The following TSHZ2 variants were observed in gnomAD, a reference collection of about 807,000 sequenced individuals.
TSHZ2 encodes the protein teashirt homolog 2.
A neutral mutation model predicts 74.4 loss-of-function variants in TSHZ2; 21 were observed. The observed-to-expected ratio is 0.28, with a 90% CI of 0.20 to 0.41. The LOEUF (loss-of-function observed/expected upper bound fraction) is 0.41, where lower values mean the gene tolerates loss of function less well. Among genes scored for constraint, TSHZ2 ranks in the 10% least tolerant of loss-of-function variants. The pLI, the probability that TSHZ2 is intolerant of heterozygous loss-of-function variation, is 1.00. For synonymous variants in TSHZ2, 540 were observed against 515.3 expected (o/e 1.05, Z -0.65); for missense variants, 1,244 against 1,293.5 (o/e 0.96, Z 0.59).
intron 1 of TSHZ2, among the ~76,000 whole-genome samples, chr20:52,991,415 G>T (rs912671133): frequency 1.4e-5 from 2 of 147,748 alleles, no homozygotes; most frequent in Non-Finnish European, 3.0e-5. Context: ...TGGGGGGAGA[G>T]AGTGTGAAAG....
At chr20:53,326,361 G>A (rs994732930) in intron 2 of TSHZ2, among the ~76,000 whole-genome samples, 2 of 152,206 alleles carry the variant, frequency 1.3e-5, no homozygotes, top group South Asian at 4.1e-4. Context: ...TATCCTGGTT[G>A]AGTTGCACTA....
chr20:53,204,107 TAC>T (rs11467468), intron 1 of TSHZ2, among the ~76,000 whole-genome samples: 595 of 1,948 alleles, frequency 0.31, 20 homozygotes, highest in East Asian at 0.5. Context: ...TGATATGATA[TAC>T]TATATCATCA....
In TSHZ2 at chr20:53,255,113, A is replaced by G; in HGVS notation, c.1655A>G (p.Glu552Gly). The G allele has an allele frequency of 1.2e-6, 2 of 1,614,142 alleles. No homozygotes were observed. The highest frequency in any genetic ancestry group is 2.2e-5 in the South Asian group (2 of 91,068). Residue 552 changes from glutamate (E) to glycine (G), a missense_variant, in exon 2 of 3, where the codon GAG becomes GGG. Around this residue, in one of 6 missense-constraint regions of TSHZ2, gnomAD observed 562 missense variants for 544.0 expected, o/e 1.03. Coordinates refer to ENST00000371497, the MANE Select transcript of TSHZ2 (RefSeq NM_173485.6). The surrounding 1 kb of genome is among the most constrained non-coding windows in gnomAD (Gnocchi z 4.1). ...ATCCACGCAGCCTACCAGCTGTCTG[A>G]GGGCACCAAGCCGCCTTTGCCTATG... is the stretch of plus-strand genomic sequence containing the variant. The part of the protein sequence containing the change: ...PSIHAAYQLS[E>G]GTKPPLPMGS...
At chr20:53,230,070 G>C (rs1413632257) in intron 1 of TSHZ2, among the ~76,000 whole-genome samples, 2 of 150,242 alleles carry the variant, frequency 1.3e-5, no homozygotes, top group Admixed American at 1.3e-4. Flanking sequence ...GGGAGGGGGA[G>C]GAGGAGAGAT....
intron 1 of TSHZ2, among the ~76,000 whole-genome samples, chr20:53,181,818 G>A (rs1988476286): frequency 6.6e-6 from 1 of 152,200 alleles, no homozygotes; most frequent in African/African-American, 2.4e-5. Context: ...AACCCGGGAA[G>A]CGGAGCTTGC....
intron 1 of TSHZ2, among the ~76,000 whole-genome samples, chr20:53,031,798 T>C (rs1250123239): frequency 1.3e-5 from 2 of 152,182 alleles, no homozygotes; most frequent in Non-Finnish European, 1.5e-5. Context: ...GGAGAATATG[T>C]TACTCAAGAG....
chr20:53,295,450 T>C (rs1257157364), intron 2 of TSHZ2, among the ~76,000 whole-genome samples: 1 of 152,116 alleles, frequency 6.6e-6, no homozygotes, highest in Admixed American at 6.6e-5. Flanking sequence ...ATGACTTAAA[T>C]AGCTCCTGAT....
chr20:53,087,153 C>G (rs1014201707), intron 1 of TSHZ2, among the ~76,000 whole-genome samples: 1 of 152,200 alleles, frequency 6.6e-6, no homozygotes, highest in African/African-American at 2.4e-5. Flanking sequence ...TCTTGAGCAA[C>G]AGCCTGTCAT....
At chr20:53,299,522 A>G (rs1411807316) in intron 2 of TSHZ2, among the ~76,000 whole-genome samples, 1 of 152,136 alleles carries the variant, frequency 6.6e-6, no homozygotes, top group Non-Finnish European at 1.5e-5. Context: ...CATTAACGTC[A>G]TCTTTTTTGT....
At chr20:53,317,064 G>A (rs1467272683) in intron 2 of TSHZ2, among the ~76,000 whole-genome samples, 1 of 152,194 alleles carries the variant, frequency 6.6e-6, no homozygotes, top group Non-Finnish European at 1.5e-5. Flanking sequence ...ATAACAGTGT[G>A]AGAAAGCAGT....
intron 1 of TSHZ2, among the ~76,000 whole-genome samples, chr20:53,203,507 A>G (rs974693139): frequency 6.6e-6 from 1 of 151,996 alleles, no homozygotes. Flanking sequence ...TCTCAAACTC[A>G]TAGGTCTACA....
intron 1 of TSHZ2, among the ~76,000 whole-genome samples, chr20:53,232,448 A>C (rs1989848004): frequency 1.3e-5 from 2 of 152,246 alleles, no homozygotes; most frequent in Non-Finnish European, 1.5e-5. Context: ...TAATAATTGC[A>C]ACATGGATCA....
At chr20:53,305,236 C>T (rs1008471059) in intron 2 of TSHZ2, among the ~76,000 whole-genome samples, 1 of 152,114 alleles carries the variant, frequency 6.6e-6, no homozygotes, top group African/African-American at 2.4e-5. Flanking sequence ...CCGCGCCTGG[C>T]CCTTAATGAA....
chr20:53,443,262 A>G (rs891892468), intron 2 of TSHZ2, among the ~76,000 whole-genome samples: 14 of 152,198 alleles, frequency 9.2e-5, no homozygotes, highest in Non-Finnish European at 1.9e-4. Flanking sequence ...AAAAGCCTTT[A>G]TAACTCTGAT....
At chr20:53,215,112 TGA>T (rs779512377) in intron 1 of TSHZ2, among the ~76,000 whole-genome samples, 4 of 152,130 alleles carry the variant, frequency 2.6e-5, no homozygotes, top group Non-Finnish European at 4.4e-5. Context: ...GTTGTTTGTT[TGA>T]GTTTTTTTTA....
intron 1 of TSHZ2, among the ~76,000 whole-genome samples, chr20:53,240,721 T>TAGATGATA (rs1555839593): frequency 6.9e-6 from 1 of 145,042 alleles, no homozygotes; most frequent in Non-Finnish European, 1.5e-5. Context: ...GATAGATAGA[T>TAGATGATA]GATAGATAGA....
chr20:53,159,878 T>A (rs1310823798), intron 1 of TSHZ2, among the ~76,000 whole-genome samples: 2 of 152,258 alleles, frequency 1.3e-5, no homozygotes, highest in Non-Finnish European at 2.9e-5. Context: ...ATCTGACATT[T>A]TTCTTGCCTG....
intron 1 of TSHZ2, among the ~76,000 whole-genome samples, chr20:53,141,281 T>C (rs1183393441): frequency 6.6e-6 from 1 of 152,192 alleles, no homozygotes; most frequent in African/African-American, 2.4e-5. Context: ...CATGGCCCTT[T>C]TTCAGACTGG....
chr20:53,486,069 T>G (rs545056425), intron 2 of TSHZ2, among the ~76,000 whole-genome samples: 2 of 152,250 alleles, frequency 1.3e-5, no homozygotes, highest in African/African-American at 4.8e-5. Context: ...TCATCCCCAG[T>G]CCCTGGCAAC....
Sources: gnomAD v4.1 joint callset for allele counts (sites outside exome capture counted in the v4.1 genomes callset) on GRCh38, gnomAD v4.1.1 for gene constraint, gnomAD v4.1.1 regional missense constraint, Gnocchi (gnomAD v3.1) non-coding constraint, MANE v1.5 for transcripts, NCBI Gene and HGNC (gene_info 2026-07-23, HGNC 2026-07-21) for gene names.